The following CSMD1 variants were observed in gnomAD, a reference collection of about 807,000 sequenced individuals.
CSMD1 encodes the protein CUB and sushi domain-containing protein 1.
A neutral mutation model predicts 417.5 loss-of-function variants in CSMD1; 213 were observed. That is an observed-to-expected ratio of 0.51 (90% CI 0.46 to 0.57). The LOEUF (loss-of-function observed/expected upper bound fraction) is 0.57. Among genes scored for constraint, CSMD1 ranks in the 20% least tolerant of loss-of-function variants. The pLI is 0.00. For missense variants in CSMD1, 6,923 were observed against 4,529.7 expected (o/e 1.53, Z -15.17); for synonymous variants, 2,862 against 1,736.8 (o/e 1.65, Z -16.11).
intron 2 of CSMD1, among the ~76,000 whole-genome samples, chr8:4,425,045 T>C (rs1056346390): frequency 3.3e-5 from 5 of 152,100 alleles, no homozygotes; most frequent in African/African-American, 9.7e-5. Flanking sequence ...ACAAAAACTA[T>C]TGAGGATAAT....
intron 1 of CSMD1, among the ~76,000 whole-genome samples, chr8:4,810,050 T>C (rs960861634): frequency 1.2e-4 from 18 of 152,230 alleles, no homozygotes; most frequent in African/African-American, 4.1e-4. Flanking sequence ...ATAAATGTTA[T>C]ACAAAAATAC....
At chr8:4,478,261 A>C (rs766549262) in intron 2 of CSMD1, among the ~76,000 whole-genome samples, 4 of 152,150 alleles carry the variant, frequency 2.6e-5, no homozygotes, top group Non-Finnish European at 5.9e-5. Context: ...TTATTTCCCA[A>C]TTTGCTCCTA....
At chr8:3,294,208 C>T (rs938155492) in intron 25 of CSMD1, among the ~76,000 whole-genome samples, 1 of 147,840 alleles carries the variant, frequency 6.8e-6, no homozygotes, top group Non-Finnish European at 1.5e-5. Context: ...GAGTACCAGG[C>T]CGTGTGAGGT....
chr8:4,685,569 C>G (rs762928077), intron 1 of CSMD1, among the ~76,000 whole-genome samples: 1 of 151,708 alleles, frequency 6.6e-6, no homozygotes, highest in Non-Finnish European at 1.5e-5. Context: ...GAATGAGACT[C>G]CTTCTTTAAA....
intron 26 of CSMD1, among the ~76,000 whole-genome samples, chr8:3,269,632 T>C (rs1387211228): frequency 6.6e-6 from 1 of 152,224 alleles, no homozygotes; most frequent in Non-Finnish European, 1.5e-5. Context: ...CATTTTTCCC[T>C]GGGACTGGGG....
chr8:3,562,383 C>A (rs1268284608), intron 10 of CSMD1, among the ~76,000 whole-genome samples: 2 of 148,362 alleles, frequency 1.3e-5, no homozygotes, highest in East Asian at 4.0e-4. Context: ...TGCACACACA[C>A]ACACGTACAC....
chr8:3,369,381 T>TA lies in CSMD1; in HGVS notation c.2783-12dup. ...AGCCTCCACATAGAGCTTAAAATAA[T>TA]AAAGAGAGATGATTACAGCACTAAA... On this transcript the variant is annotated splice_polypyrimidine_tract_variant and intron_variant, in intron 18 of 69. Transcript: ENST00000635120. The TA allele has an allele frequency of 1.5e-6, 2 of 1,293,522 alleles. No homozygotes were observed. The highest frequency in any genetic ancestry group is 2.2e-6 in the Non-Finnish European group (2 of 894,806). 80.1% of individuals were successfully genotyped at this position (1,293,522 alleles called of 1,614,324 possible).
chr8:3,270,943 T>G (rs1256777826), intron 26 of CSMD1, among the ~76,000 whole-genome samples: 1 of 151,748 alleles, frequency 6.6e-6, no homozygotes, highest in Admixed American at 6.6e-5. Context: ...TTATTATTAT[T>G]ATACTGTAAG....
intron 3 of CSMD1, among the ~76,000 whole-genome samples, chr8:4,351,456 G>A (rs1167745471): frequency 1.3e-5 from 2 of 152,208 alleles, no homozygotes; most frequent in African/African-American, 2.4e-5. Flanking sequence ...TGTCTAAAAA[G>A]CAGAGTTCCA....
intron 5 of CSMD1, among the ~76,000 whole-genome samples, chr8:3,867,540 G>A (rs1055351110): frequency 3.9e-5 from 6 of 152,082 alleles, no homozygotes; most frequent in African/African-American, 1.2e-4. Context: ...GACAACAGAA[G>A]GCTAGTGAGA....
intron 41 of CSMD1, among the ~76,000 whole-genome samples, chr8:3,124,673 C>T (rs904732013): frequency 1.3e-5 from 2 of 152,148 alleles, no homozygotes; most frequent in Non-Finnish European, 2.9e-5. Context: ...ACTCTCGCCA[C>T]CTCCTAAGTG....
chr8:4,587,538 A>C (rs973531145), intron 2 of CSMD1, among the ~76,000 whole-genome samples: 3 of 152,060 alleles, frequency 2.0e-5, no homozygotes, highest in Admixed American at 6.6e-5. Context: ...CAAGTGTCTA[A>C]CACCTAAGGA....
intron 3 of CSMD1, among the ~76,000 whole-genome samples, chr8:4,200,988 C>G (rs17069389): frequency 0.027 from 4,159 of 152,234 alleles, 214 homozygotes; most frequent in African/African-American, 0.093. Context: ...TACTTTTTCT[C>G]CACAGCGCCG....
chr8:3,137,192 C>T (rs1381115445), intron 41 of CSMD1, among the ~76,000 whole-genome samples: 1 of 152,178 alleles, frequency 6.6e-6, no homozygotes, highest in Non-Finnish European at 1.5e-5. Flanking sequence ...GAACACTAGA[C>T]CTTATTCCTC....
At chr8:4,133,099 A>G (rs1055400127) in intron 3 of CSMD1, among the ~76,000 whole-genome samples, 13 of 151,878 alleles carry the variant, frequency 8.6e-5, no homozygotes, top group Non-Finnish European at 1.6e-4. Context: ...CCATGCCCGG[A>G]TAATTTTTCT....
chr8:4,880,023 C>G (rs1195575432), intron 1 of CSMD1, among the ~76,000 whole-genome samples: 1 of 152,048 alleles, frequency 6.6e-6, no homozygotes, highest in East Asian at 1.9e-4. Context: ...TTATTTCTGG[C>G]TTTAAAAGTA....
At chr8:4,124,480 C>T (rs1269210073) in intron 3 of CSMD1, among the ~76,000 whole-genome samples, 1 of 152,136 alleles carries the variant, frequency 6.6e-6, no homozygotes, top group Non-Finnish European at 1.5e-5. Context: ...CTTCTCTCCA[C>T]GGGGTGAAAT....
At chr8:4,247,843 A>G (rs999443670) in intron 3 of CSMD1, among the ~76,000 whole-genome samples, 20 of 152,318 alleles carry the variant, frequency 1.3e-4, no homozygotes, top group Middle Eastern at 3.4e-3. Flanking sequence ...TTATTAATAA[A>G]TTCTATCACA....
At position 3,994,225 on chromosome 8, in the gene CSMD1, G is replaced by C. The variant is rs574689345; in HGVS notation, c.818+3678C>G. Among the ~76,000 whole-genome samples the C allele has an allele frequency of 1.6e-4, 24 of 150,348 alleles. No homozygotes were observed. In the South Asian group the frequency reaches 4.7e-3, roughly 29 times the overall value. On this transcript the variant is annotated intron_variant, in intron 5 of 69. Transcript: ENST00000635120. The stretch of plus-strand genomic sequence containing the variant: ...TATCCTCTACACATTCCCTGTCACA[G>C]AAGGGTATGGAAGCCTGTTTCTTTT...
Sources: allele counts gnomAD v4.1 joint callset (sites outside exome capture counted in the v4.1 genomes callset), GRCh38; gene constraint gnomAD v4.1.1; transcripts MANE v1.5; gene names NCBI Gene and HGNC (gene_info 2026-07-23, HGNC 2026-07-21).